BAHCC1: variants seen among roughly 807,000 people sequenced by gnomAD.
The protein encoded by BAHCC1 is BAH and coiled-coil domain-containing protein 1.
A neutral mutation model predicts 88.2 loss-of-function variants in BAHCC1; 43 were observed. The ratio of observed to expected loss-of-function variants is 0.49; its 90% CI spans 0.38 to 0.63. BAHCC1 has a LOEUF of 0.63. BAHCC1 is among the 20% of genes least tolerant of loss of function. BAHCC1 has a pLI of 0.00. For missense variants in BAHCC1, 3,023 were observed against 1,654.8 expected (o/e 1.83, Z -14.34); for synonymous variants, 1,510 against 745.5 (o/e 2.03, Z -16.71).
intron 2 of BAHCC1, among the ~76,000 whole-genome samples, chr17:81,424,148 G>A (rs534056579): frequency 1.4e-4 from 21 of 152,308 alleles, no homozygotes; most frequent in African/African-American, 4.8e-4. Context: ...CCCTCTGCTC[G>A]CCTGAGACTG....
chr17:81,417,933 CA>C (rs1433964390), intron 2 of BAHCC1, among the ~76,000 whole-genome samples: 8 of 152,264 alleles, frequency 5.3e-5, no homozygotes, highest in Non-Finnish European at 8.8e-5. Flanking sequence ...TCGCTGCCCC[CA>C]CACTGCTTCC....
chr17:81,414,760 C>T (rs532489474), intron 2 of BAHCC1, among the ~76,000 whole-genome samples: 190 of 152,328 alleles, frequency 1.2e-3, no homozygotes, highest in South Asian at 6.2e-4. Context: ...ACCACGTGTC[C>T]CCAACCCCAA....
At position 81,459,370 on chromosome 17, in the gene BAHCC1, G is replaced by A. The variant is rs781887487; in HGVS notation, c.5796+42G>A. 3 of 767,580 alleles carry A rather than the reference G, an allele frequency of 3.9e-6. No individual in the cohort carries two copies. The East Asian group carries it at 7.3e-5, about 19-fold the overall frequency. The allele number at this position is 767,580 out of a possible 1,614,324, so 47.5% of individuals were successfully genotyped here. A position where few individuals can be genotyped will look rare whatever the true frequency, so the allele number is the denominator to read the frequency against. On this transcript the variant is annotated intron_variant, in intron 22 of 27. Transcript: ENST00000675386. ...CCCGCCCCGGGGAGGGGCCTGGCTG[G>A]CTTGTCCCAGGACAAAGGAAGGCCT...
At position 81,462,781 on chromosome 17, in the gene BAHCC1, G is replaced by A. The variant is rs1392444594; in HGVS notation, c.7425G>A (p.Lys2475=). The A allele has an allele frequency of 2.6e-6, 2 of 778,094 alleles. No homozygotes were observed. The highest frequency in any genetic ancestry group is 4.8e-6 in the Non-Finnish European group (2 of 416,592). The allele number at this position is 778,094 out of a possible 1,614,324, so 48.2% of individuals were successfully genotyped here. A position where few individuals can be genotyped will look rare whatever the true frequency, so the allele number is the denominator to read the frequency against. Residue 2475 remains lysine, a synonymous_variant, in exon 27 of 28, where the codon AAG becomes AAA. Coordinates refer to ENST00000675386, the MANE Select transcript of BAHCC1 (RefSeq NM_001377448.1). ...MKGKARKLFY[K]AIVRGEETLR... ...GGAAGGCCCGGAAGCTGTTCTACAA[G>A]GCCATCGTGCGGGGCGAGGAGACCC... is the stretch of plus-strand genomic sequence containing the variant.
intron 3 of BAHCC1, among the ~76,000 whole-genome samples, chr17:81,436,769 AG>A (rs1568013760): frequency 6.6e-6 from 1 of 152,214 alleles, no homozygotes; most frequent in Non-Finnish European, 1.5e-5. Context: ...GGGCTGCACC[AG>A]GGCCAGGGCG....
chr17:81,413,623 A>G (rs1210230382), intron 2 of BAHCC1, among the ~76,000 whole-genome samples: 1 of 152,150 alleles, frequency 6.6e-6, no homozygotes, highest in Non-Finnish European at 1.5e-5. Context: ...TGGTGGAGTG[A>G]GCAGACCCCG....
rs1480002700 is a variant in BAHCC1, at chr17:81,444,135, T to G, written c.2324+218T>G. ...CTTGCAGCGGTCAGGTTACCCACTT[T>G]CAGGGGCCAGGAGATGGCCCCCAGT... On this transcript the variant is annotated intron_variant, in intron 6 of 27. Coordinates refer to ENST00000675386, the MANE Select transcript of BAHCC1 (RefSeq NM_001377448.1). 6.6e-6 allele frequency: 4 copies of G among 602,350 alleles called. No individual in the cohort carries two copies. In the Admixed American group the frequency reaches 1.2e-4, roughly 18 times the overall value. 37.3% of individuals were successfully genotyped at this position (602,350 alleles called of 1,614,324 possible).
intron 14 of BAHCC1, among the ~76,000 whole-genome samples, chr17:81,453,591 G>A (rs2064687434): frequency 1.3e-5 from 2 of 150,780 alleles, no homozygotes; most frequent in East Asian, 3.9e-4. Context: ...CCATATGGCT[G>A]CCCCCCCCCA....
intron 2 of BAHCC1, among the ~76,000 whole-genome samples, chr17:81,404,185 C>T (rs1037413261): frequency 2.6e-5 from 4 of 152,094 alleles, no homozygotes; most frequent in African/African-American, 7.2e-5. Context: ...CTAAAAATAC[C>T]CCTCAGAAAC....
intron 1 of BAHCC1, among the ~76,000 whole-genome samples, chr17:81,397,806 A>G (rs755256351): frequency 2.6e-5 from 4 of 152,216 alleles, no homozygotes; most frequent in Non-Finnish European, 5.9e-5. Context: ...GGGAGCCCCA[A>G]ACGCCTTTGT....
chr17:81,426,014 TGGTG>T (rs1312076775), intron 2 of BAHCC1, among the ~76,000 whole-genome samples: 53 of 13,926 alleles, frequency 3.8e-3, no homozygotes, highest in African/African-American at 0.014. Flanking sequence ...TTGGGGGTGA[TGGTG>T]GGTGATGTGG....
At chr17:81,422,975 C>A in intron 2 of BAHCC1, 1 of 288,086 alleles carries the variant, frequency 3.5e-6, no homozygotes, top group South Asian at 2.5e-5. Context: ...CTTCCCTTCC[C>A]AACCCAGAGT....
rs1555647872 is a variant in BAHCC1, at chr17:81,411,532, C to T, written c.178+11615C>T. ...CCTGCCTGCCTTCCTTCCTTCCTTC[C>T]TTCCTTCCTTCCTTCCTTCCTTCCT... On this transcript the variant is annotated intron_variant, in intron 2 of 27. Transcript: ENST00000675386. This position sits in a 1 kb window ranked among gnomAD's most constrained non-coding sequence, Gnocchi z 6.2. The T allele has an allele frequency of 2.7e-6, 1 of 364,120 alleles. No homozygotes were observed. Among genetic ancestry groups the T allele is most frequent in the Non-Finnish European group, 5.3e-6 (1 of 189,596 alleles). The allele number at this position is 364,120 out of a possible 1,614,324, so 22.6% of individuals were successfully genotyped here.
At position 81,461,451 on chromosome 17, in the gene BAHCC1, C is replaced by T. The variant is rs1215229479; in HGVS notation, c.6788C>T (p.Pro2263Leu). Residue 2263 changes from proline to leucine, a missense_variant, in exon 26 of 28, where the codon CCC (proline) becomes CTC (leucine). Pro to Leu is a moderately conservative substitution (Grantham distance 98, BLOSUM62 -3). Transcript: ENST00000675386. ...GKDKKGRAPI[P>L]PLPMGLALRK... ...GACAAGAAGGGGCGGGCACCCATCC[C>T]CCCGCTGCCCATGGGGCTGGCGCTG... 2.7e-6 allele frequency: 2 copies of T among 740,428 alleles called. No homozygotes were observed. The highest frequency in any genetic ancestry group is 1.4e-5 in the South Asian group (1 of 70,178). The allele number at this position is 740,428 out of a possible 1,614,324, so 45.9% of individuals were successfully genotyped here.
intron 14 of BAHCC1, among the ~76,000 whole-genome samples, chr17:81,454,126 C>CA (rs1156723683): frequency 6.6e-6 from 1 of 152,340 alleles, no homozygotes; most frequent in Middle Eastern, 3.4e-3. Flanking sequence ...CCCCCAGCCC[C>CA]TGTCTAGCCA....
intron 9 of BAHCC1, 34 bp downstream of exon 9, chr17:81,445,212 C>T (rs376773753): frequency 3.2e-5 from 24 of 740,134 alleles, no homozygotes; most frequent in Non-Finnish European, 5.5e-5. Context: ...CTGGGCCGGG[C>T]ACTTCTCCCC....
rs1413777483 is a variant in BAHCC1, at chr17:81,464,708, T to C, written c.*891T>C. 6.5e-5 allele frequency: 10 copies of C among 152,672 alleles called. No homozygotes were observed. Among genetic ancestry groups the C allele is most frequent in the African/African-American group, 2.2e-4 (9 of 41,582 alleles). 9.5% of individuals were successfully genotyped at this position (152,672 alleles called of 1,614,324 possible). A position where few individuals can be genotyped will look rare whatever the true frequency, so the allele number is the denominator to read the frequency against. ...ATAAGAAAAAGCAATGTTTGGATTG[T>C]ATCTGCTGAATCATATTCCAACCTA... On this transcript the variant is annotated 3_prime_UTR_variant, in exon 28 of 28. Coordinates refer to ENST00000675386, the MANE Select transcript of BAHCC1 (RefSeq NM_001377448.1).
In BAHCC1 at chr17:81,442,391, G is replaced by A. The variant is rs186654239; in HGVS notation, c.1042G>A (p.Ala348Thr). 2.5e-3 allele frequency: 1,787 copies of A among 701,278 alleles called. 37 individuals are homozygous for A. The African/African-American group carries it at 0.027, about 11-fold the overall frequency. The allele number at this position is 701,278 out of a possible 1,614,324, so 43.4% of individuals were successfully genotyped here. Residue 348 changes from alanine to threonine, a missense_variant, in exon 5 of 28, where the codon GCA becomes ACA. Transcript: ENST00000675386. ...GCGGCGGCAGATGCTACACCACACC[G>A]CATCCTACGCCGGGCCACCCCCGCC... ...LERRQMLHHTASYAGPPPPLS... is the reference protein window; with the variant it reads ...LERRQMLHHTTSYAGPPPPLS...
chr17:81,446,292 T>C lies in BAHCC1; in HGVS notation c.3163+611T>C, dbSNP rs1304188214. 3.3e-5 allele frequency among the ~76,000 whole-genome samples: 5 copies of C among 152,258 alleles called. No individual in the cohort carries two copies. In the East Asian group the frequency reaches 7.7e-4, roughly 24 times the overall value. ...TTTCCCTTCGTTTTTTTTTTCTTTT[T>C]TTTGCAGTTAATGGGACATGATGCC... On this transcript the variant is annotated intron_variant, in intron 10 of 27. Coordinates refer to ENST00000675386, the MANE Select transcript of BAHCC1 (RefSeq NM_001377448.1).
Sources: gnomAD v4.1 joint callset for allele counts (sites outside exome capture counted in the v4.1 genomes callset) on GRCh38, gnomAD v4.1.1 for gene constraint, Gnocchi (gnomAD v3.1) non-coding constraint, MANE v1.5 for transcripts, NCBI Gene and HGNC (gene_info 2026-07-23, HGNC 2026-07-21) for gene names.